The following TMEM92 variants were observed in gnomAD, a reference collection of about 807,000 sequenced individuals.
TMEM92 encodes transmembrane protein 92.
TMEM92 carries 15 observed loss-of-function variants against 14.6 expected under a neutral mutation model. That is an observed-to-expected ratio of 1.03 (90% CI 0.69 to 1.58). The LOEUF (loss-of-function observed/expected upper bound fraction) is 1.58. Among genes scored for constraint, TMEM92 ranks in the 40% most tolerant of loss-of-function variants. The pLI is 0.00. For missense variants in TMEM92, 174 were observed against 202.4 expected (o/e 0.86, Z 0.85); for synonymous variants, 85 against 83.3 (o/e 1.02, Z -0.11).
At chr17:50,274,415 AGGCG>A (rs1910352739), upstream of TMEM92, 1 of 1,440,454 alleles carries the variant, frequency 6.9e-7, no homozygotes. Context: ...CCCCATCCCG[AGGCG>A]GGGCCCCATA....
chr17:50,280,167 G>A lies in TMEM92; in HGVS notation c.*859G>A, dbSNP rs1910571104. 1 of 151,520 alleles carries A rather than the reference G, an allele frequency of 6.6e-6. No homozygotes were observed. Among genetic ancestry groups the A allele is most frequent in the African/African-American group, 2.5e-5 (1 of 40,702 alleles). The allele number at this position is 151,520 out of a possible 1,614,324, so 9.4% of individuals were successfully genotyped here. A position where few individuals can be genotyped will look rare whatever the true frequency, so the allele number is the denominator to read the frequency against. On this transcript the variant is annotated 3_prime_UTR_variant, in exon 5 of 5. Transcript: ENST00000507382. ...GTTGGCTGTGAGGGGGTTGGATCCA[G>A]GAAGCAGCCCTGGGACAGCCCATTC...
intron 1 of TMEM92, 79 bp from the exon 2 acceptor site, chr17:50,277,636 G>A: frequency 6.4e-7 from 1 of 1,566,440 alleles, no homozygotes; most frequent in Non-Finnish European, 8.8e-7. Flanking sequence ...GAGGTACCTG[G>A]GCAGCATCTG....
chr17:50,273,242 G>A (rs991469888), upstream of TMEM92, among the ~76,000 whole-genome samples: 1 of 152,076 alleles, frequency 6.6e-6, no homozygotes, highest in Non-Finnish European at 1.5e-5. Context: ...CTCCTGCCTC[G>A]CCCTCGCCCA....
chr17:50,276,140 AAAAAAAG>A (rs531464800), intron 1 of TMEM92, among the ~76,000 whole-genome samples: 85 of 152,250 alleles, frequency 5.6e-4, no homozygotes, highest in Admixed American at 2.2e-3. Context: ...CCAAAAAGAA[AAAAAAAG>A]AAAAAAGAAA....
upstream of TMEM92, among the ~76,000 whole-genome samples, chr17:50,272,384 C>G (rs907854881): frequency 6.6e-6 from 1 of 152,188 alleles, no homozygotes; most frequent in Non-Finnish European, 1.5e-5. Flanking sequence ...CTGTAGGGCT[C>G]CCAGCCTGGG....
At chr17:50,278,488 G>A in intron 2 of TMEM92, 68 bp from the exon 3 acceptor site, 3 of 1,567,774 alleles carry the variant, frequency 1.9e-6, no homozygotes, top group South Asian at 1.1e-5. Context: ...GGGGAGGCTG[G>A]GATCCTTCTG....
chr17:50,279,494 G>A lies in TMEM92; in HGVS notation c.*186G>A. 2 of 576,618 alleles carry A rather than the reference G, an allele frequency of 3.5e-6. No individual in the cohort carries two copies. Among genetic ancestry groups the A allele is most frequent in the Non-Finnish European group, 6.1e-6 (2 of 327,938 alleles). The allele number at this position is 576,618 out of a possible 1,614,324, so 35.7% of individuals were successfully genotyped here. On this transcript the variant is annotated 3_prime_UTR_variant, in exon 5 of 5. Transcript: ENST00000507382. ...CCCAGCTGCCTCTCTTGTCCTGAGGGTTAGGCTGGAGTGACAGTTTCCGCC... is the reference window on the plus strand; with the variant it reads ...CCCAGCTGCCTCTCTTGTCCTGAGGATTAGGCTGGAGTGACAGTTTCCGCC...
In TMEM92 at chr17:50,280,259, T is replaced by C. The variant is rs1332852058; in HGVS notation, c.*951T>C. ...GGTGGGGAAAAGCCCAGGAGAGCAG[T>C]GGGTGGGGCTGGGCATCCGTGGAGT... is the stretch of plus-strand genomic sequence containing the variant. On this transcript the variant is annotated 3_prime_UTR_variant, in exon 5 of 5. Coordinates refer to ENST00000507382, the MANE Select transcript of TMEM92 (RefSeq NM_153229.3). 1 of 152,138 alleles carries C rather than the reference T, an allele frequency of 6.6e-6. No homozygotes were observed. Among genetic ancestry groups the C allele is most frequent in the Non-Finnish European group, 1.5e-5 (1 of 68,060 alleles). The allele number at this position is 152,138 out of a possible 1,614,324, so 9.4% of individuals were successfully genotyped here. A position where few individuals can be genotyped will look rare whatever the true frequency, so the allele number is the denominator to read the frequency against.
Position 50,275,773 on chromosome 17 carries a change from G to A in TMEM92, c.69+1203G>A, listed in dbSNP as rs141267280. On this transcript the variant is annotated intron_variant, in intron 1 of 4. Transcript: ENST00000507382. ...CCAGAGTGGGGTCTGAGGGGGAAGG[G>A]GTGCTGTTGAGTGCCTGGATGGACC... is the stretch of plus-strand genomic sequence containing the variant. Among the ~76,000 whole-genome samples the A allele has an allele frequency of 2.6e-4, 39 of 152,198 alleles. No individual in the cohort carries two copies. In the East Asian group the frequency reaches 7.1e-3, roughly 28 times the overall value.
In TMEM92 at chr17:50,278,420, C is replaced by T. The variant is rs565542554; in HGVS notation, c.96-136C>T. On this transcript the variant is annotated intron_variant, in intron 2 of 4. Coordinates refer to ENST00000507382, the MANE Select transcript of TMEM92 (RefSeq NM_153229.3). ...CCTCCTACTGAGCTCAGAGCGGGGG[C>T]CATACCCCCCACCCCACTAAGGGGT... 661 of 920,234 alleles carry T rather than the reference C, an allele frequency of 7.2e-4. 5 individuals are homozygous for T. In the African/African-American group the frequency reaches 0.01, roughly 14 times the overall value. 57.0% of individuals were successfully genotyped at this position (920,234 alleles called of 1,614,324 possible).
chr17:50,279,143 G>C, intron 4 of TMEM92, 52 bp from the exon 5 acceptor site: 1 of 1,571,302 alleles, frequency 6.4e-7, no homozygotes, highest in Non-Finnish European at 8.8e-7. Context: ...GGATGGGGGA[G>C]TGGTGGCCAG....
intron 1 of TMEM92, among the ~76,000 whole-genome samples, chr17:50,275,392 G>A (rs1001609522): frequency 7.9e-5 from 12 of 152,176 alleles, no homozygotes; most frequent in African/African-American, 1.4e-4. Flanking sequence ...CCGTGGACCC[G>A]GGTTAGTGAG....
chr17:50,277,861 G>T, intron 2 of TMEM92, 121 bp downstream of exon 2: 1 of 1,267,542 alleles, frequency 7.9e-7, no homozygotes, highest in Admixed American at 2.0e-5. Context: ...TCCCAATCCA[G>T]CCAGAAACTG....
At chr17:50,278,379 C>A (rs563853955) in intron 2 of TMEM92, among the ~76,000 whole-genome samples, 177 bp from the exon 3 acceptor site, 27 of 152,314 alleles carry the variant, frequency 1.8e-4, no homozygotes, top group Non-Finnish European at 1.5e-5. Context: ...CAAGTGCACA[C>A]GCCCTTCCCC....
At chr17:50,277,588 C>A in intron 1 of TMEM92, 127 bp from the exon 2 acceptor site, 1 of 1,098,188 alleles carries the variant, frequency 9.1e-7, no homozygotes, top group Non-Finnish European at 1.4e-6. Flanking sequence ...GGGTGGCTTG[C>A]AGGAAGAGGC....
At position 50,279,314 on chromosome 17, in the gene TMEM92, C is replaced by T. The variant is rs146660282; in HGVS notation, c.*6C>T. 4,254 of 1,612,998 alleles carry T rather than the reference C, an allele frequency of 2.6e-3. 67 individuals are homozygous for T. The African/African-American group carries it at 0.04, about 15-fold the overall frequency. ...TTGACAACCCGGCCTTCTGAGTCACCTCCTGCCTGGAATCTTGCCATCAGC... is the reference window on the plus strand; with the variant it reads ...TTGACAACCCGGCCTTCTGAGTCACTTCCTGCCTGGAATCTTGCCATCAGC... On this transcript the variant is annotated 3_prime_UTR_variant, in exon 5 of 5. Transcript: ENST00000507382.
At chr17:50,272,834 G>A (rs1055999967), upstream of TMEM92, among the ~76,000 whole-genome samples, 2 of 151,950 alleles carry the variant, frequency 1.3e-5, no homozygotes, top group African/African-American at 2.4e-5. Flanking sequence ...CGCCTCCGCC[G>A]AGGCAGACAG....
chr17:50,272,777 C>T (rs1910290212), upstream of TMEM92, among the ~76,000 whole-genome samples: 1 of 151,800 alleles, frequency 6.6e-6, no homozygotes, highest in Non-Finnish European at 1.5e-5. Flanking sequence ...GGTGCAGGAC[C>T]AAACCAGGGA....
intron 3 of TMEM92, 40 bp from the exon 4 acceptor site, chr17:50,278,761 G>A: frequency 6.4e-7 from 1 of 1,571,308 alleles, no homozygotes; most frequent in Non-Finnish European, 8.6e-7. Flanking sequence ...CCCCAGGGTG[G>A]CCTGGGGACT....
Sources: gnomAD v4.1 joint callset for allele counts (sites outside exome capture counted in the v4.1 genomes callset) on GRCh38, gnomAD v4.1.1 for gene constraint, MANE v1.5 for transcripts, NCBI Gene and HGNC (gene_info 2026-07-23, HGNC 2026-07-21) for gene names.